The following HTRA3 variants were observed in gnomAD, a reference collection of about 807,000 sequenced individuals.
The protein encoded by HTRA3 is HtrA serine peptidase 3, also known as serine protease HTRA3.
A neutral mutation model predicts 43.2 loss-of-function variants in HTRA3; 41 were observed. The ratio of observed to expected loss-of-function variants is 0.95; its 90% CI spans 0.74 to 1.23. The LOEUF (loss-of-function observed/expected upper bound fraction) is 1.23. Ranked by LOEUF, HTRA3 falls within the 50% of genes most tolerant of loss-of-function variation. The pLI is 0.00. For missense variants in HTRA3, 628 were observed against 647.1 expected (o/e 0.97, Z 0.32); for synonymous variants, 295 against 287.9 (o/e 1.02, Z -0.25).
At chr4:8,285,828 C>T (rs1055039620) in intron 2 of HTRA3, among the ~76,000 whole-genome samples, 1 of 152,248 alleles carries the variant, frequency 6.6e-6, no homozygotes, top group Non-Finnish European at 1.5e-5. Flanking sequence ...TCGGGGTGTC[C>T]AGGGCTCGGG....
Position 8,286,737 on chromosome 4 carries a change from A to T in HTRA3, c.662A>T (p.Asp221Val), listed in dbSNP as rs1415757341. The T allele has an allele frequency of 6.2e-7, 1 of 1,613,976 alleles. No individual in the cohort carries two copies. Among genetic ancestry groups the T allele is most frequent in the Non-Finnish European group, 8.5e-7 (1 of 1,180,022 alleles). Residue 221 changes from aspartate to valine, a missense_variant, in exon 3 of 9, where the codon GAC (aspartate) becomes GTC (valine). Physicochemically the swap from Asp to Val is radical, Grantham distance 152 (BLOSUM62 -3). Transcript: ENST00000307358. This position sits in a 1 kb window ranked among gnomAD's most constrained non-coding sequence, Gnocchi z 4.9. ...GACTCCTATGAGGCCACCATCAAAG[A>T]CATCGACAAGAAGTCGGACATTGCC... The part of the protein sequence containing the change: ...NGDSYEATIK[D>V]IDKKSDIATI...
At position 8,304,168 on chromosome 4, in the gene HTRA3, G is replaced by A. The variant is rs201305722; in HGVS notation, c.1101-16G>A. ...AAAGGCTCAGGGGAGGGGCCTTGAC[G>A]GCAGACTCTTTCCAGCCTGGTGGAT... On this transcript the variant is annotated splice_polypyrimidine_tract_variant and intron_variant, in intron 7 of 8. Transcript: ENST00000307358. 2.9e-5 allele frequency: 47 copies of A among 1,610,514 alleles called. No homozygotes were observed. The highest frequency in any genetic ancestry group is 8.3e-5 in the Admixed American group (5 of 59,996).
At chr4:8,275,479 T>C (rs1343054370) in intron 1 of HTRA3, among the ~76,000 whole-genome samples, 1 of 152,190 alleles carries the variant, frequency 6.6e-6, no homozygotes, top group Non-Finnish European at 1.5e-5. Context: ...TCCTGCATTG[T>C]GAGGGACCAA....
rs544836602 is a variant in HTRA3, at chr4:8,272,295, C to T, written c.385+1942C>T. Among the ~76,000 whole-genome samples the T allele has an allele frequency of 1.4e-3, 210 of 152,284 alleles. 1 individual carries two copies. In the Middle Eastern group the frequency reaches 0.034, roughly 25 times the overall value. On this transcript the variant is annotated intron_variant, in intron 1 of 8. Transcript: ENST00000307358. The stretch of plus-strand genomic sequence containing the variant: ...GCCATGTAGCAGACCCTGTTGGTGC[C>T]CTCAAGCCTCACAGACCATCGAGGG...
chr4:8,306,096 A>G lies in HTRA3; in HGVS notation c.1322A>G (p.Asp441Gly). The G allele has an allele frequency of 1.9e-6, 3 of 1,607,056 alleles. No individual in the cohort carries two copies. Among genetic ancestry groups the G allele is most frequent in the Non-Finnish European group, 2.6e-6 (3 of 1,175,512 alleles). ...PLLLEVRRGN[D>G]DLLFSIAPEV... The stretch of plus-strand genomic sequence containing the variant: ...CTACTGGAGGTGCGGCGGGGGAACG[A>G]CGACCTCCTCTTCAGCATCGCACCT... Residue 441 changes from aspartate to glycine, a missense_variant, in exon 9 of 9, where the codon GAC (aspartate) becomes GGC (glycine). Physicochemically the swap from Asp to Gly is moderately conservative, Grantham distance 94 (BLOSUM62 -1). Transcript: ENST00000307358. This position sits in a 1 kb window ranked among gnomAD's most constrained non-coding sequence, Gnocchi z 8.9.
chr4:8,292,944 T>C (rs1231127134), intron 5 of HTRA3, among the ~76,000 whole-genome samples: 2 of 152,160 alleles, frequency 1.3e-5, no homozygotes, highest in African/African-American at 4.8e-5. Flanking sequence ...ACCTGGCAGC[T>C]GATGTGAGAT....
Position 8,286,736 on chromosome 4 carries a change from G to A in HTRA3, c.661G>A (p.Asp221Asn). ...NGDSYEATIK[D>N]IDKKSDIATI... is the part of the protein sequence containing the mutation. ...GGACTCCTATGAGGCCACCATCAAA[G>A]ACATCGACAAGAAGTCGGACATTGC... Residue 221 changes from aspartate (D) to asparagine (N), a missense_variant, in exon 3 of 9, where the codon GAC (aspartate) becomes AAC (asparagine). Physicochemically the swap from Asp to Asn is conservative, Grantham distance 23 (BLOSUM62 1). Transcript: ENST00000307358. The surrounding 1 kb of genome is among the most constrained non-coding windows in gnomAD (Gnocchi z 4.9). The A allele has an allele frequency of 6.2e-7, 1 of 1,614,120 alleles. No homozygotes were observed. Among genetic ancestry groups the A allele is most frequent in the East Asian group, 2.2e-5 (1 of 44,870 alleles).
intron 2 of HTRA3, among the ~76,000 whole-genome samples, chr4:8,284,046 C>T (rs1712862401): frequency 6.6e-6 from 1 of 152,188 alleles, no homozygotes; most frequent in Non-Finnish European, 1.5e-5. Context: ...TATAGCACCT[C>T]AGCATCACAT....
At chr4:8,298,382 T>C (rs905411882) in intron 6 of HTRA3, among the ~76,000 whole-genome samples, 1 of 152,252 alleles carries the variant, frequency 6.6e-6, no homozygotes, top group African/African-American at 2.4e-5. Context: ...TTGTGAGAGT[T>C]CTTTCTACAT....
At chr4:8,285,734 C>A (rs150361579) in intron 2 of HTRA3, among the ~76,000 whole-genome samples, 1 of 152,230 alleles carries the variant, frequency 6.6e-6, no homozygotes, top group Non-Finnish European at 1.5e-5. Context: ...TCGGCAGACA[C>A]CAATGCAAAC....
intron 1 of HTRA3, among the ~76,000 whole-genome samples, chr4:8,276,476 G>A (rs367620561): frequency 6.6e-6 from 1 of 152,256 alleles, no homozygotes; most frequent in South Asian, 2.1e-4. Flanking sequence ...GGTGTCTGTG[G>A]AGGTGCTGCC....
intron 1 of HTRA3, among the ~76,000 whole-genome samples, chr4:8,275,887 C>T (rs761595795): frequency 2.0e-5 from 3 of 152,236 alleles, no homozygotes; most frequent in Non-Finnish European, 4.4e-5. Flanking sequence ...CCCCTGGTTC[C>T]CCAGCCAGTG....
At chr4:8,282,830 G>A (rs770912328) in intron 2 of HTRA3, among the ~76,000 whole-genome samples, 108 of 152,252 alleles carry the variant, frequency 7.1e-4, no homozygotes, top group Non-Finnish European at 1.4e-3. Flanking sequence ...CAATGTGTTG[G>A]TCGTCCTGAG....
Position 8,295,722 on chromosome 4 carries a change from AGG to A in HTRA3, c.1051+1525_1051+1526del. 7.2e-7 allele frequency: 1 copy of A among 1,382,948 alleles called. No individual in the cohort carries two copies. Among genetic ancestry groups the A allele is most frequent in the Non-Finnish European group, 9.4e-7 (1 of 1,065,192 alleles). 85.7% of individuals were successfully genotyped at this position (1,382,948 alleles called of 1,614,324 possible). A position where few individuals can be genotyped will look rare whatever the true frequency, so the allele number is the denominator to read the frequency against. On this transcript the variant is annotated intron_variant, in intron 6 of 8. Coordinates refer to ENST00000307358, the MANE Select transcript of HTRA3 (RefSeq NM_053044.5). This position sits in a 1 kb window ranked among gnomAD's most constrained non-coding sequence, Gnocchi z 6.9. ...CCCTCACTGGCAGTTCATTGAGAGC[AGG>A]GGGCTTCCTCACGTTTCCCCCTCCT...
intron 8 of HTRA3, 21 bp from the exon 9 acceptor site, chr4:8,305,950 C>A (rs200210825): frequency 2.5e-6 from 4 of 1,610,694 alleles, no homozygotes; most frequent in African/African-American, 1.3e-5. Flanking sequence ...TGGGTGGTGA[C>A]CCCGTCTCTC....
rs1560139913 is a variant in HTRA3, at chr4:8,291,417, TG to T, written c.760del (p.Glu254SerfsTer16). 6.2e-7 allele frequency: 1 copy of T among 1,613,540 alleles called. No homozygotes were observed. Among genetic ancestry groups the T allele is most frequent in the African/African-American group, 1.3e-5 (1 of 75,066 alleles). Reference protein sequence around the residue: ...LLGHSADLRPGEFVVAIGSPF... With the variant: ...LLGHSADLRPXEFVVAIGSPF... The stretch of plus-strand genomic sequence containing the variant: ...TGGGTCACTCGGCCGACCTGCGGCC[TG>T]GGGAGTTTGTGGTGGCCATCGGCAG... On this transcript the variant is annotated frameshift_variant, in exon 4 of 9. Transcript: ENST00000307358. LOFTEE classifies it high-confidence loss of function.
At chr4:8,271,699 C>T (rs750326503) in intron 1 of HTRA3, among the ~76,000 whole-genome samples, 15 of 152,214 alleles carry the variant, frequency 9.9e-5, no homozygotes, top group Non-Finnish European at 1.6e-4. Flanking sequence ...GAGGAAGCTG[C>T]GTCTTCACAC....
At chr4:8,283,858 C>T (rs944576071) in intron 2 of HTRA3, among the ~76,000 whole-genome samples, 1 of 152,188 alleles carries the variant, frequency 6.6e-6, no homozygotes, top group Non-Finnish European at 1.5e-5. Flanking sequence ...TCTGGTGGCT[C>T]ATGGGGAGAT....
At chr4:8,277,374 C>T (rs1199418195) in intron 1 of HTRA3, among the ~76,000 whole-genome samples, 1 of 152,222 alleles carries the variant, frequency 6.6e-6, no homozygotes, top group Non-Finnish European at 1.5e-5. Context: ...CATTCATTCG[C>T]TCCCTCATTT....
Sources: gnomAD v4.1 joint callset for allele counts (sites outside exome capture counted in the v4.1 genomes callset) on GRCh38, gnomAD v4.1.1 for gene constraint, Gnocchi (gnomAD v3.1) non-coding constraint, MANE v1.5 for transcripts, NCBI Gene and HGNC (gene_info 2026-07-23, HGNC 2026-07-21) for gene names.